The following CDH1 variants were observed in gnomAD, a reference collection of about 807,000 sequenced individuals.
The protein encoded by CDH1 is cadherin-1.
CDH1 carries 35 observed loss-of-function variants against 84.5 expected under a neutral mutation model. The ratio of observed to expected loss-of-function variants is 0.41; its 90% confidence interval spans 0.32 to 0.55. The LOEUF is 0.55. Ranked by LOEUF, CDH1 falls within the 20% of genes least tolerant of loss-of-function variation. The pLI, the probability that CDH1 is intolerant of heterozygous loss-of-function variation, is 0.19. For missense variants in CDH1, 994 were observed against 1,126.6 expected, an observed-to-expected ratio of 0.88 and a Z score of 1.68; for synonymous variants, 417 against 439.0, an observed-to-expected ratio of 0.95 and a Z score of 0.63.
chr16:68,827,035 C>A (rs531095894), intron 13 of CDH1, among the ~76,000 whole-genome samples: 2 of 152,246 alleles, frequency 1.3e-5, no homozygotes, highest in East Asian at 1.9e-4. Flanking sequence ...CTTTGGGAGG[C>A]CCAGGTGGGT....
chr16:68,822,175 A>C lies in CDH1; in HGVS notation c.1886A>C (p.Glu629Ala), dbSNP rs2152138516. The C allele has an allele frequency of 6.2e-7, 1 of 1,614,118 alleles. No individual in the cohort carries two copies. The highest frequency in any genetic ancestry group is 2.2e-5 in the East Asian group (1 of 44,886). The change falls in exon 12 of 16, where the codon GAA becomes GCA. Residue 629 changes from glutamate to alanine, a missense_variant. Coordinates refer to ENST00000261769, the MANE Select transcript of CDH1 (RefSeq NM_004360.5). ...LPPNTSPFTA[E>A]LTHGASANWT... Reference sequence around the variant, plus strand: ...CCCAATACATCTCCCTTCACAGCAGAACTAACACACGGGGCGAGTGCCAAC... The same window carrying C: ...CCCAATACATCTCCCTTCACAGCAGCACTAACACACGGGGCGAGTGCCAAC...
Position 68,835,355 on chromosome 16 carries a change from G to A in CDH1, c.*1856G>A. 4.5e-6 allele frequency: 1 copy of A among 223,436 alleles called. No individual in the cohort carries two copies. Among genetic ancestry groups the A allele is most frequent in the Non-Finnish European group, 9.0e-6 (1 of 111,656 alleles). 13.8% of individuals were successfully genotyped at this position (223,436 alleles called of 1,614,324 possible). ...TTTTTGGAATTGTCTTGATTTTTCG[G>A]CAGTTCAAGCTATATCGAATATAGT... On this transcript the variant is annotated 3_prime_UTR_variant, in exon 16 of 16. Transcript: ENST00000261769.
chr16:68,756,178 G>A lies in CDH1; in HGVS notation c.163+17767G>A, dbSNP rs1416331467. Among the ~76,000 whole-genome samples, 8 of 149,012 alleles carry A rather than the reference G, an allele frequency of 5.4e-5. No individual in the cohort carries two copies. In the East Asian group the frequency reaches 7.8e-4, roughly 15 times the overall value. On this transcript the variant is annotated intron_variant, in intron 2 of 15. Transcript: ENST00000261769. ...ATGTATACGAGTGTTCCTAGGACCT[G>A]GTACTTACTTTGGAATCTCACCTTC...
At chr16:68,828,667 A>G (rs566447050) in intron 14 of CDH1, among the ~76,000 whole-genome samples, 3 of 152,342 alleles carry the variant, frequency 2.0e-5, no homozygotes, top group African/African-American at 4.8e-5. Context: ...TCTCTTTGAC[A>G]TAGAACAACT....
rs201344818 is a variant in CDH1, at chr16:68,762,234, G to A, written c.163+23823G>A. ...TCATTTCTCTCTCAGGGCCATCTTC[G>A]TTGTTGCTACCTCTAGGAAGCCTTC... is the stretch of plus-strand genomic sequence containing the variant. On this transcript the variant is annotated intron_variant, in intron 2 of 15. Coordinates refer to ENST00000261769, the MANE Select transcript of CDH1 (RefSeq NM_004360.5). Among the ~76,000 whole-genome samples the A allele has an allele frequency of 5.9e-5, 9 of 152,138 alleles. No individual in the cohort carries two copies. In the East Asian group the frequency reaches 9.7e-4, roughly 16 times the overall value.
intron 5 of CDH1, among the ~76,000 whole-genome samples, chr16:68,809,952 C>T (rs1960771794): frequency 6.6e-6 from 1 of 152,180 alleles, no homozygotes; most frequent in Non-Finnish European, 1.5e-5. Flanking sequence ...AGGCCTGATG[C>T]CCTGGTCCTC....
intron 2 of CDH1, among the ~76,000 whole-genome samples, chr16:68,760,104 A>AAT (rs1359284115): frequency 4.4e-5 from 5 of 113,680 alleles, no homozygotes; most frequent in South Asian, 2.8e-4. Context: ...TTTTTTTTTA[A>AAT]TTTTTTTTTT....
chr16:68,762,722 G>A (rs1431168305), intron 2 of CDH1, among the ~76,000 whole-genome samples: 1 of 151,828 alleles, frequency 6.6e-6, no homozygotes, highest in Non-Finnish European at 1.5e-5. Context: ...CAGCCTGGCC[G>A]ACATGGCGAA....
rs777441715 is a variant in CDH1, at chr16:68,812,140, C to T, written c.1014C>T (p.Phe338=). Residue 338 remains phenylalanine, a synonymous_variant, in exon 8 of 16, where the codon TTC becomes TTT. Coordinates refer to ENST00000261769, the MANE Select transcript of CDH1 (RefSeq NM_004360.5). ...TTGTGTCGATCTCTCTGCAGAGTTT[C>T]CCTACGTATACCCTGGTGGTTCAAG... is the stretch of plus-strand genomic sequence containing the variant. ...VVTTGLDRES[F]PTYTLVVQAA... is the part of the protein sequence containing the mutation. The T allele has an allele frequency of 6.2e-7, 1 of 1,614,094 alleles. No individual in the cohort carries two copies. The highest frequency in any genetic ancestry group is 1.1e-5 in the South Asian group (1 of 91,072).
chr16:68,813,167 T>A (rs1054006047), intron 8 of CDH1, 146 bp from the exon 9 acceptor site: 1 of 814,588 alleles, frequency 1.2e-6, no homozygotes, highest in African/African-American at 1.7e-5. Flanking sequence ...CAGTGAGCCA[T>A]GATCGCTCAA....
intron 2 of CDH1, among the ~76,000 whole-genome samples, chr16:68,788,518 TTGG>T (rs1960125492): frequency 1.3e-5 from 2 of 152,204 alleles, no homozygotes; most frequent in African/African-American, 4.8e-5. Context: ...ACTGTGTACT[TTGG>T]TGAACAGCTT....
chr16:68,829,982 A>C (rs1373694060), intron 15 of CDH1, among the ~76,000 whole-genome samples, 185 bp downstream of exon 15: 1 of 140,912 alleles, frequency 7.1e-6, no homozygotes, highest in South Asian at 2.2e-4. Context: ...TTTGAGACGA[A>C]GTTTCACTCT....
chr16:68,823,999 T>C (rs1305172295), intron 13 of CDH1, among the ~76,000 whole-genome samples: 2 of 146,492 alleles, frequency 1.4e-5, no homozygotes, highest in African/African-American at 2.6e-5. Flanking sequence ...TTTCTTTTTT[T>C]TTTTTTTTTT....
At chr16:68,779,288 C>T (rs1212242337) in intron 2 of CDH1, among the ~76,000 whole-genome samples, 1 of 152,164 alleles carries the variant, frequency 6.6e-6, no homozygotes, top group Non-Finnish European at 1.5e-5. Context: ...CCTCTCTCTG[C>T]CTCTTTACTC....
chr16:68,744,206 G>A (rs368216370), intron 2 of CDH1, among the ~76,000 whole-genome samples: 4 of 152,178 alleles, frequency 2.6e-5, no homozygotes, highest in African/African-American at 4.8e-5. Context: ...GTAAATGGGC[G>A]GGGAAGAATT....
intron 2 of CDH1, among the ~76,000 whole-genome samples, chr16:68,800,771 C>T (rs887260800): frequency 4.6e-5 from 7 of 152,238 alleles, no homozygotes; most frequent in Non-Finnish European, 1.0e-4. Flanking sequence ...GGCCTGCCCT[C>T]ACCATGCAAT....
At position 68,819,394 on chromosome 16, in the gene CDH1, G is replaced by C. The variant is rs35741240; in HGVS notation, c.1680G>C (p.Thr560=). The change falls in exon 11 of 16, where the codon ACG becomes ACC. Residue 560 remains threonine, a synonymous_variant. Coordinates refer to ENST00000261769, the MANE Select transcript of CDH1 (RefSeq NM_004360.5). Reference sequence around the variant, plus strand: ...ATTTTGAGCACGTGAAGAACAGCACGTACACAGCCCTAATCATAGCTACAG... The same window carrying C: ...ATTTTGAGCACGTGAAGAACAGCACCTACACAGCCCTAATCATAGCTACAG... ...REDFEHVKNS[T]YTALIIATDN... 3.4e-3 allele frequency: 5,549 copies of C among 1,613,740 alleles called. 26 individuals are homozygous for C. Among genetic ancestry groups the C allele is most frequent in the South Asian group, 6.9e-3 (627 of 91,058 alleles).
chr16:68,772,644 C>T (rs1055749217), intron 2 of CDH1, among the ~76,000 whole-genome samples: 1 of 152,064 alleles, frequency 6.6e-6, no homozygotes, highest in Non-Finnish European at 1.5e-5. Context: ...ATGAAAAACA[C>T]CAGACTTAGG....
rs199498992 is a variant in CDH1, at chr16:68,828,357, G to A, written c.2295+53G>A. The A allele has an allele frequency of 2.1e-3, 3,370 of 1,595,960 alleles. 5 individuals carry two copies. Among genetic ancestry groups the A allele is most frequent in the Non-Finnish European group, 2.7e-3 (3,174 of 1,164,136 alleles). On this transcript the variant is annotated intron_variant, in intron 14 of 15. Transcript: ENST00000261769. Reference sequence around the variant, plus strand: ...GTGGTGATCTCTTTATTCGGAAGAAGCAATGATTAGTAAGAGGTAGGCATT... The same window carrying A: ...GTGGTGATCTCTTTATTCGGAAGAAACAATGATTAGTAAGAGGTAGGCATT...
Sources: allele counts gnomAD v4.1 joint callset (sites outside exome capture counted in the v4.1 genomes callset), GRCh38; gene constraint gnomAD v4.1.1; transcripts MANE v1.5; gene names NCBI Gene and HGNC (gene_info 2026-07-23, HGNC 2026-07-21).